Variants in MFSD1 observed in about 807,000 individuals in gnomAD.
The protein encoded by MFSD1 is lysosomal dipeptide transporter MFSD1.
A neutral mutation model predicts 67.1 loss-of-function variants in MFSD1; 59 were observed. The observed-to-expected ratio is 0.88, with a 90% CI of 0.71 to 1.09. MFSD1 has a LOEUF of 1.09. MFSD1 is among the 50% of genes least tolerant of loss of function. The pLI, the probability that MFSD1 is intolerant of heterozygous loss-of-function variation, is 0.00. For synonymous variants in MFSD1, 213 were observed against 200.3 expected (o/e 1.06, Z -0.54); for missense variants, 552 against 566.1 (o/e 0.97, Z 0.25).
At chr3:158,802,595 C>T (rs776106832) in intron 1 of MFSD1, 21 of 684,320 alleles carry the variant, frequency 3.1e-5, no homozygotes, top group South Asian at 1.1e-4. Flanking sequence ...GCGACTCGCC[C>T]TAGAGGCGAT....
chr3:158,820,243 G>A lies in MFSD1; in HGVS notation c.780G>A (p.Lys260=). Residue 260 remains lysine, a synonymous_variant, in exon 9 of 16, where the codon AAG becomes AAA. Transcript: ENST00000415822. ...TGEVIKLTDV[K]DFSLPLWLIF... ...AAGTTATTAAATTAACTGATGTAAA[G>A]GACTTCTCCTTACCCCTGTGGCTTA... The A allele has an allele frequency of 6.2e-7, 1 of 1,608,930 alleles. No individual in the cohort carries two copies. Among genetic ancestry groups the A allele is most frequent in the South Asian group, 1.1e-5 (1 of 90,904 alleles).
At chr3:158,804,220 G>A (rs916230545) in intron 1 of MFSD1, 99 bp from the exon 2 acceptor site, 106 of 755,760 alleles carry the variant, frequency 1.4e-4, no homozygotes, top group Admixed American at 1.6e-4. Flanking sequence ...GTGTCAACCC[G>A]TAGTATCAGC....
Position 158,821,607 on chromosome 3 carries a change from A to G in MFSD1, c.874A>G (p.Thr292Ala). 1 of 1,607,634 alleles carries G rather than the reference A, an allele frequency of 6.2e-7. No individual in the cohort carries two copies. ...PFIGLGKVFF[T>A]EKFGFSSQAA... The stretch of plus-strand genomic sequence containing the variant: ...TCTTTTTAATTTTAGAGTTTTCTTT[A>G]CAGAGAAATTTGGATTTTCTTCCCA... Residue 292 changes from threonine to alanine, a missense_variant, in exon 10 of 16, where the codon ACA (threonine) becomes GCA (alanine). Physicochemically the swap from Thr to Ala is moderately conservative, Grantham distance 58 (BLOSUM62 0). Transcript: ENST00000415822.
At chr3:158,802,350 A>C (rs1190718004) in intron 1 of MFSD1, 35 bp downstream of exon 1, 1 of 1,609,522 alleles carries the variant, frequency 6.2e-7, no homozygotes, top group East Asian at 2.2e-5. Context: ...CTGATCTTTA[A>C]GGAATTCCCG....
chr3:158,813,376 G>T (rs1985781), intron 6 of MFSD1, among the ~76,000 whole-genome samples: 28,338 of 151,984 alleles, frequency 0.19, 3,100 homozygotes, highest in Middle Eastern at 0.32. Context: ...TCAAACTCCT[G>T]ACCTTGTGAT....
intron 7 of MFSD1, among the ~76,000 whole-genome samples, chr3:158,817,275 A>G (rs2108223182): frequency 6.6e-6 from 1 of 152,290 alleles, no homozygotes; most frequent in South Asian, 2.1e-4. Context: ...AAGGAAATAA[A>G]GGGTATTCAA....
At chr3:158,827,917 AGAGAGAGAGAGAGAGAGAGAGAGAGGGG>A (rs1328409775) in intron 15 of MFSD1, among the ~76,000 whole-genome samples, 6,126 of 89,626 alleles carry the variant, frequency 0.068, 547 homozygotes, top group African/African-American at 0.25. Flanking sequence ...AGAGAGGGGG[AGAGAGAGAGAGAGAGAGAGAGAGAGGGG>A]GAGAGAGAGA....
chr3:158,829,138 GGCCTGTTTTA>G lies in MFSD1; in HGVS notation c.*163_*172del, dbSNP rs535872426. 7.8e-3 allele frequency: 4,418 copies of G among 564,646 alleles called. 26 individuals are homozygous for G. Among genetic ancestry groups the G allele is most frequent in the Admixed American group, 0.01 (263 of 25,536 alleles). 35.0% of individuals were successfully genotyped at this position (564,646 alleles called of 1,614,324 possible). A position where few individuals can be genotyped will look rare whatever the true frequency, so the allele number is the denominator to read the frequency against. The stretch of plus-strand genomic sequence containing the variant: ...TACCTATTTCAAAGTGTATTTGTGA[GGCCTGTTTTA>G]GCCTGTGTCTTTTGTATTGTGTGTT... On this transcript the variant is annotated 3_prime_UTR_variant, in exon 16 of 16. Coordinates refer to ENST00000415822, the MANE Select transcript of MFSD1 (RefSeq NM_022736.4).
At chr3:158,819,070 T>C (rs1423268915) in intron 7 of MFSD1, among the ~76,000 whole-genome samples, 2 of 152,204 alleles carry the variant, frequency 1.3e-5, no homozygotes, top group Admixed American at 6.5e-5. Context: ...AAGTGTATCG[T>C]TATTCACTCT....
In MFSD1 at chr3:158,829,058, G is replaced by A; in HGVS notation, c.*76G>A. The stretch of plus-strand genomic sequence containing the variant: ...GAAAACTTCCATTTTTAAAAATTTA[G>A]AGTTTAGTCATTAGAAAAAATAATG... On this transcript the variant is annotated 3_prime_UTR_variant, in exon 16 of 16. Coordinates refer to ENST00000415822, the MANE Select transcript of MFSD1 (RefSeq NM_022736.4). 5.0e-6 allele frequency: 7 copies of A among 1,409,076 alleles called. No individual in the cohort carries two copies. 87.3% of individuals were successfully genotyped at this position (1,409,076 alleles called of 1,614,324 possible). A position where few individuals can be genotyped will look rare whatever the true frequency, so the allele number is the denominator to read the frequency against.
chr3:158,827,933 A>AGG (rs1731082500), intron 15 of MFSD1, among the ~76,000 whole-genome samples: 3 of 33,376 alleles, frequency 9.0e-5, no homozygotes, highest in East Asian at 5.2e-4. Context: ...AGAGAGAGAG[A>AGG]GAGAGAGAGG....
intron 14 of MFSD1, among the ~76,000 whole-genome samples, chr3:158,826,389 A>C (rs896295604): frequency 3.9e-5 from 6 of 152,106 alleles, no homozygotes; most frequent in African/African-American, 1.4e-4. Flanking sequence ...ACGTTAAAAG[A>C]AATCAGAACT....
At chr3:158,817,216 C>A (rs545919215) in intron 7 of MFSD1, among the ~76,000 whole-genome samples, 1 of 152,156 alleles carries the variant, frequency 6.6e-6, no homozygotes, top group Non-Finnish European at 1.5e-5. Context: ...TCTCACCACT[C>A]CTATTCAACA....
At position 158,819,748 on chromosome 3, in the gene MFSD1, G is replaced by C; in HGVS notation, c.751+1G>C. Reference sequence around the variant, plus strand: ...CTTCATAAAGAACAAGGAAAAACAGGTAAGTCTAAATGAAAGAATGGGACT... The same window carrying C: ...CTTCATAAAGAACAAGGAAAAACAGCTAAGTCTAAATGAAAGAATGGGACT... On this transcript the variant is annotated splice_donor_variant, in intron 8 of 15. Transcript: ENST00000415822. LOFTEE classifies it high-confidence loss of function. 1 of 1,572,242 alleles carries C rather than the reference G, an allele frequency of 6.4e-7. No homozygotes were observed. Among genetic ancestry groups the C allele is most frequent in the Non-Finnish European group, 8.7e-7 (1 of 1,145,728 alleles).
At chr3:158,813,694 T>C (rs1730155818) in intron 6 of MFSD1, among the ~76,000 whole-genome samples, 1 of 152,226 alleles carries the variant, frequency 6.6e-6, no homozygotes, top group Admixed American at 6.5e-5. Flanking sequence ...GTTTCACTTT[T>C]GCTTTGGCTG....
intron 6 of MFSD1, among the ~76,000 whole-genome samples, chr3:158,811,585 A>G (rs1237003760): frequency 6.6e-6 from 1 of 152,236 alleles, no homozygotes; most frequent in African/African-American, 2.4e-5. Flanking sequence ...GGAACCAACA[A>G]AAGGGCTCCA....
chr3:158,816,699 G>A (rs963345743), intron 7 of MFSD1, among the ~76,000 whole-genome samples: 7 of 151,258 alleles, frequency 4.6e-5, no homozygotes, highest in African/African-American at 1.7e-4. Flanking sequence ...CATTGCTTTT[G>A]GTGTTTTAGA....
At chr3:158,809,005 C>A in intron 5 of MFSD1, 174 bp from the exon 6 acceptor site, 1 of 496,938 alleles carries the variant, frequency 2.0e-6, no homozygotes, top group Non-Finnish European at 3.6e-6. Flanking sequence ...TGTCTCATTT[C>A]CACCATATTC....
chr3:158,803,356 T>TC (rs1225767080), intron 1 of MFSD1, among the ~76,000 whole-genome samples: 1 of 151,944 alleles, frequency 6.6e-6, no homozygotes, highest in Non-Finnish European at 1.5e-5. Flanking sequence ...AACTCCTTTT[T>TC]CCCCCCTCCC....
Sources: gnomAD v4.1 joint callset for allele counts (sites outside exome capture counted in the v4.1 genomes callset) on GRCh38, gnomAD v4.1.1 for gene constraint, MANE v1.5 for transcripts, NCBI Gene and HGNC (gene_info 2026-07-23, HGNC 2026-07-21) for gene names.